Variants in VASN observed in about 807,000 individuals in gnomAD.
VASN encodes the protein protein slit-like 2.
VASN carries 5 observed loss-of-function variants against 4.8 expected under a neutral mutation model. The observed-to-expected ratio is 1.03, with a 90% CI of 0.54 to 2.17. The LOEUF (loss-of-function observed/expected upper bound fraction) is 2.17, where lower values mean the gene tolerates loss of function less well. Among genes scored for constraint, VASN ranks in the 30% most tolerant of loss-of-function variants. The probability of loss-of-function intolerance (pLI) is 0.01; values close to 1 mark genes in which losing one functional copy is unlikely to be tolerated. For missense variants in VASN, 927 were observed against 948.8 expected (o/e 0.98, Z 0.30); for synonymous variants, 499 against 460.8 (o/e 1.08, Z -1.06).
rs776162237 is a variant in VASN at position 4,381,138 on chromosome 16, G to A, written c.261G>A (p.Gln87=). 1 of 1,610,368 alleles carries A rather than the reference G, an allele frequency of 6.2e-7. No homozygotes were observed. The highest frequency in any genetic ancestry group is 2.2e-5 in the East Asian group (1 of 44,704). ...AGCTCCTGGACCTGTCACAGAACCA[G>A]ATCGCCAGCCTGCCCAGCGGGGTCT... The part of the protein sequence containing the change: ...GLQLLDLSQN[Q]IASLPSGVFQ... The change falls in exon 2 of 2, where the codon CAG becomes CAA. Residue 87 remains glutamine (Q), a synonymous_variant. Coordinates refer to ENST00000304735, the MANE Select transcript of VASN (RefSeq NM_138440.3).
Position 4,378,961 on chromosome 16 carries a change from C to T in VASN, c.-9-1908C>T, listed in dbSNP as rs540305620. On this transcript the variant is annotated intron_variant, in intron 1 of 1. Coordinates refer to ENST00000304735, the MANE Select transcript of VASN (RefSeq NM_138440.3). ...CACGTGGGCAGGGCCTGCGTGGGCC[C>T]AACCCCGGGGACAAGGGCTTCTTCC... Among the ~76,000 whole-genome samples, 13 of 152,172 alleles carry T rather than the reference C, an allele frequency of 8.5e-5. No individual in the cohort carries two copies. The East Asian group carries it at 2.5e-3, about 29-fold the overall frequency.
intron 1 of VASN, among the ~76,000 whole-genome samples, chr16:4,375,601 C>T (rs2054691475): frequency 6.6e-6 from 1 of 152,234 alleles, no homozygotes; most frequent in Non-Finnish European, 1.5e-5. Context: ...CATTCTCCTG[C>T]CTCAGCCTCC....
chr16:4,372,237 G>T lies in VASN; in HGVS notation c.-10+244G>T, dbSNP rs1020179153. Reference sequence around the variant, plus strand: ...GCGCGCCTGAGTGTGCGGTGAGCCCGCGAGGCTGCAAGCAGACAAAATAAA... The same window carrying T: ...GCGCGCCTGAGTGTGCGGTGAGCCCTCGAGGCTGCAAGCAGACAAAATAAA... On this transcript the variant is annotated intron_variant, in intron 1 of 1. Transcript: ENST00000304735. Among the ~76,000 whole-genome samples, 19 of 152,282 alleles carry T rather than the reference G, an allele frequency of 1.2e-4. No individual in the cohort carries two copies. The East Asian group carries it at 1.9e-3, about 16-fold the overall frequency.
In VASN at chr16:4,381,790, C is replaced by A. The variant is rs1567273429; in HGVS notation, c.913C>A (p.Pro305Thr). The change falls in exon 2 of 2, where the codon CCC (proline) becomes ACC (threonine). Residue 305 changes from proline (P) to threonine (T), a missense_variant. By Grantham distance (38) the Pro-to-Thr change is conservative. Coordinates refer to ENST00000304735, the MANE Select transcript of VASN (RefSeq NM_138440.3). ...CCGCAACCCCTTCAACTGCGTGTGCCCCCTGAGCTGGTTTGGCCCCTGGGT... is the reference window on the plus strand; with the variant it reads ...CCGCAACCCCTTCAACTGCGTGTGCACCCTGAGCTGGTTTGGCCCCTGGGT... ...AARNPFNCVCPLSWFGPWVRE... is the reference protein window; with the variant it reads ...AARNPFNCVCTLSWFGPWVRE... 1 of 1,600,616 alleles carries A rather than the reference C, an allele frequency of 6.2e-7. No individual in the cohort carries two copies. Among genetic ancestry groups the A allele is most frequent in the Non-Finnish European group, 8.5e-7 (1 of 1,179,312 alleles).
rs2055029779 is a variant in VASN, at chr16:4,382,568, C to T, written c.1691C>T (p.Ala564Val). 1 of 1,593,880 alleles carries T rather than the reference C, an allele frequency of 6.3e-7. No individual in the cohort carries two copies. Among genetic ancestry groups the T allele is most frequent in the Non-Finnish European group, 8.5e-7 (1 of 1,171,832 alleles). ...CCCCCAGCCGTCCACTCCAACCACG[C>T]CCCAGTCACCCAGGCCCGCGAGGGC... is the stretch of plus-strand genomic sequence containing the variant. ...HTPPAVHSNH[A>V]PVTQAREGNL... The change falls in exon 2 of 2, where the codon GCC becomes GTC. Residue 564 changes from alanine (A) to valine (V), a missense_variant. Physicochemically the swap from Ala to Val is moderately conservative, Grantham distance 64. Transcript: ENST00000304735.
rs139623912 is a variant in VASN at position 4,382,226 on chromosome 16, G to A, written c.1349G>A (p.Arg450Gln). The change falls in exon 2 of 2, where the codon CGG becomes CAG. Residue 450 changes from arginine (R) to glutamine (Q), a missense_variant. By Grantham distance (43) the Arg-to-Gln change is conservative. Transcript: ENST00000304735. ...YCESQMGQGT[R>Q]PSPTPVTPRP... is the part of the protein sequence containing the mutation. Reference sequence around the variant, plus strand: ...GAGAGCCAGATGGGGCAGGGGACACGGCCCAGCCCTACACCAGTCACGCCG... The same window carrying A: ...GAGAGCCAGATGGGGCAGGGGACACAGCCCAGCCCTACACCAGTCACGCCG... 2.2e-5 allele frequency: 35 copies of A among 1,605,328 alleles called. No homozygotes were observed. In the African/African-American group the frequency reaches 3.3e-4, roughly 15 times the overall value.
chr16:4,379,916 TGC>T (rs2054891064), intron 1 of VASN, among the ~76,000 whole-genome samples: 1 of 147,392 alleles, frequency 6.8e-6, no homozygotes, highest in East Asian at 2.0e-4. Context: ...AAATTAGCCA[TGC>T]ATGGTGGCTG....
At position 4,382,219 on chromosome 16, in the gene VASN, G is replaced by A. The variant is rs772171203; in HGVS notation, c.1342G>A (p.Gly448Arg). ...GLYCESQMGQ[G>R]TRPSPTPVTP... Reference sequence around the variant, plus strand: ...GTACTGTGAGAGCCAGATGGGGCAGGGGACACGGCCCAGCCCTACACCAGT... The same window carrying A: ...GTACTGTGAGAGCCAGATGGGGCAGAGGACACGGCCCAGCCCTACACCAGT... Residue 448 changes from glycine (G) to arginine (R), a missense_variant, in exon 2 of 2, where the codon GGG (glycine) becomes AGG (arginine). Transcript: ENST00000304735. The A allele has an allele frequency of 1.6e-5, 26 of 1,604,930 alleles. 1 individual carries two copies. The South Asian group carries it at 2.3e-4, about 14-fold the overall frequency.
rs1205157641 is a variant in VASN, at chr16:4,381,773, C to T, written c.896C>T (p.Pro299Leu). The T allele has an allele frequency of 6.2e-7, 1 of 1,601,422 alleles. No homozygotes were observed. Among genetic ancestry groups the T allele is most frequent in the Non-Finnish European group, 8.5e-7 (1 of 1,179,346 alleles). The change falls in exon 2 of 2, where the codon CCC (proline) becomes CTC (leucine). Residue 299 changes from proline to leucine, a missense_variant. By Grantham distance (98) the Pro-to-Leu change is moderately conservative. Coordinates refer to ENST00000304735, the MANE Select transcript of VASN (RefSeq NM_138440.3). ...CGGCTGCTGGCAGCTGCCCGCAACCCCTTCAACTGCGTGTGCCCCCTGAGC... is the reference window on the plus strand; with the variant it reads ...CGGCTGCTGGCAGCTGCCCGCAACCTCTTCAACTGCGTGTGCCCCCTGAGC... The part of the protein sequence containing the change: ...RLRLLAAARN[P>L]FNCVCPLSWF...
Position 4,382,224 on chromosome 16 carries a change from A to G in VASN, c.1347A>G (p.Thr449=). ...LYCESQMGQG[T]RPSPTPVTPR... ...GTGAGAGCCAGATGGGGCAGGGGAC[A>G]CGGCCCAGCCCTACACCAGTCACGC... Residue 449 remains threonine (T), a synonymous_variant, in exon 2 of 2, where the codon ACA becomes ACG. Coordinates refer to ENST00000304735, the MANE Select transcript of VASN (RefSeq NM_138440.3). The G allele has an allele frequency of 2.5e-6, 4 of 1,605,320 alleles. No individual in the cohort carries two copies. Among genetic ancestry groups the G allele is most frequent in the Non-Finnish European group, 3.4e-6 (4 of 1,177,692 alleles).
Position 4,381,635 on chromosome 16 carries a change from C to G in VASN, c.758C>G (p.Ala253Gly), listed in dbSNP as rs749898341. 1.3e-6 allele frequency: 2 copies of G among 1,599,602 alleles called. No homozygotes were observed. Among genetic ancestry groups the G allele is most frequent in the Non-Finnish European group, 1.7e-6 (2 of 1,173,856 alleles). ...RLRLAGNTRI[A>G]QLRPEDLAGL... ...CGGCTGGCCGGCAACACCCGCATTG[C>G]CCAGCTGCGGCCCGAGGACCTGGCC... The change falls in exon 2 of 2, where the codon GCC (alanine) becomes GGC (glycine). Residue 253 changes from alanine (A) to glycine (G), a missense_variant. Coordinates refer to ENST00000304735, the MANE Select transcript of VASN (RefSeq NM_138440.3).
intron 1 of VASN, among the ~76,000 whole-genome samples, chr16:4,379,443 GGGAGCCCCCGCCCCCAGGGCCATCT>G (rs1293242662): frequency 6.6e-5 from 10 of 152,148 alleles, no homozygotes; most frequent in South Asian, 2.1e-4. Flanking sequence ...AGCGGCTGGT[GGGAGCCCCCGCCCCCAGGGCCATCT>G]GGAGGGCACG....
rs1186848745 is a variant in VASN, at chr16:4,382,690, A to T, written c.1813A>T (p.Met605Leu). 1 of 1,547,064 alleles carries T rather than the reference A, an allele frequency of 6.5e-7. No individual in the cohort carries two copies. The highest frequency in any genetic ancestry group is 1.4e-5 in the African/African-American group (1 of 73,056). ...CTACTGTGTGCGGCGGGGGCGGGCCATGGCAGCAGCGGCTCAGGACAAAGG... is the reference window on the plus strand; with the variant it reads ...CTACTGTGTGCGGCGGGGGCGGGCCTTGGCAGCAGCGGCTCAGGACAAAGG... ...AAYCVRRGRA[M>L]AAAAQDKGQV... The change falls in exon 2 of 2, where the codon ATG becomes TTG. Residue 605 changes from methionine to leucine, a missense_variant. Coordinates refer to ENST00000304735, the MANE Select transcript of VASN (RefSeq NM_138440.3).
chr16:4,383,013 CAG>C lies in VASN; in HGVS notation c.*115_*116del. 4 of 1,192,996 alleles carry C rather than the reference CAG, an allele frequency of 3.4e-6. No individual in the cohort carries two copies. The highest frequency in any genetic ancestry group is 3.3e-5 in the South Asian group (2 of 60,464). The allele number at this position is 1,192,996 out of a possible 1,614,324, so 73.9% of individuals were successfully genotyped here. On this transcript the variant is annotated 3_prime_UTR_variant, in exon 2 of 2. Coordinates refer to ENST00000304735, the MANE Select transcript of VASN (RefSeq NM_138440.3). ...TCCCAACCTCGGGGATGTGTGCAGA[CAG>C]GGCTGTGTGACCACAGCTGGGCCCT... is the stretch of plus-strand genomic sequence containing the variant.
In VASN at chr16:4,381,000, C is replaced by A. The variant is rs760022725; in HGVS notation, c.123C>A (p.Arg41=). 6.2e-7 allele frequency: 1 copy of A among 1,608,414 alleles called. No homozygotes were observed. Among genetic ancestry groups the A allele is most frequent in the South Asian group, 1.1e-5 (1 of 90,408 alleles). Residue 41 remains arginine, a synonymous_variant, in exon 2 of 2, where the codon CGC becomes CGA. Coordinates refer to ENST00000304735, the MANE Select transcript of VASN (RefSeq NM_138440.3). ...CACAGACAGTCTTCTGCACTGCCCGCCAGGGGACCACGGTGCCCCGAGACG... is the reference window on the plus strand; with the variant it reads ...CACAGACAGTCTTCTGCACTGCCCGACAGGGGACCACGGTGCCCCGAGACG... ...SQPQTVFCTA[R]QGTTVPRDVP...
chr16:4,377,821 C>G (rs550394177), intron 1 of VASN, among the ~76,000 whole-genome samples: 1 of 152,292 alleles, frequency 6.6e-6, no homozygotes, highest in South Asian at 2.1e-4. Context: ...AAGAGCTCAC[C>G]GCACATTTTA....
intron 1 of VASN, among the ~76,000 whole-genome samples, chr16:4,374,570 G>A (rs1173103976): frequency 6.6e-6 from 1 of 152,146 alleles, no homozygotes. Flanking sequence ...TGGGGCGGCC[G>A]CTGGGGCCCC....
chr16:4,375,113 C>T (rs941680208), intron 1 of VASN, among the ~76,000 whole-genome samples: 8 of 152,194 alleles, frequency 5.3e-5, no homozygotes, highest in Admixed American at 2.0e-4. Flanking sequence ...CTTGTGACTA[C>T]GATGGCACGT....
At position 4,383,261 on chromosome 16, in the gene VASN, C is replaced by T. The variant is rs1359408496; in HGVS notation, c.*362C>T. 7.3e-6 allele frequency: 2 copies of T among 273,168 alleles called. No individual in the cohort carries two copies. The highest frequency in any genetic ancestry group is 1.5e-5 in the Non-Finnish European group (2 of 137,654). The allele number at this position is 273,168 out of a possible 1,614,324, so 16.9% of individuals were successfully genotyped here. ...GGACCCTGGGGGCCAGTGAAGGAAG[C>T]TCCCGGAAAGAGCAGAGGGAGAGCG... On this transcript the variant is annotated 3_prime_UTR_variant, in exon 2 of 2. Coordinates refer to ENST00000304735, the MANE Select transcript of VASN (RefSeq NM_138440.3).
Sources: gnomAD v4.1 joint callset for allele counts (sites outside exome capture counted in the v4.1 genomes callset) on GRCh38, gnomAD v4.1.1 for gene constraint, MANE v1.5 for transcripts, NCBI Gene and HGNC (gene_info 2026-07-23, HGNC 2026-07-21) for gene names.